The following DYNLT2B variants were observed in gnomAD, a reference collection of about 807,000 sequenced individuals.
DYNLT2B encodes dynein light chain Tctex-type protein 2B.
Under a neutral mutation model 19.5 loss-of-function variants are expected in DYNLT2B, and 14 were observed. The ratio of observed to expected loss-of-function variants is 0.72; its 90% CI spans 0.47 to 1.12. DYNLT2B has a LOEUF of 1.12. DYNLT2B is among the 50% of genes most tolerant of loss of function. DYNLT2B has a pLI of 0.00. For synonymous variants in DYNLT2B, 70 were observed against 59.7 expected, an observed-to-expected ratio of 1.17 and a Z score of -0.79; for missense variants, 133 against 174.7, an observed-to-expected ratio of 0.76 and a Z score of 1.35.
intron 2 of DYNLT2B, among the ~76,000 whole-genome samples, chr3:196,313,609 C>T (rs1481910945): frequency 3.3e-5 from 5 of 151,966 alleles, no homozygotes; most frequent in Non-Finnish European, 5.9e-5. Context: ...AAAATCTTAA[C>T]GATGAACCTT....
chr3:196,300,844 G>C (rs1560187880), intron 3 of DYNLT2B, among the ~76,000 whole-genome samples: 1 of 151,588 alleles, frequency 6.6e-6, no homozygotes. Context: ...AATCACTTGA[G>C]CCAAGGACTT....
At chr3:196,291,463 A>G in intron 4 of DYNLT2B, 89 bp from the exon 5 acceptor site, 1 of 1,361,064 alleles carries the variant, frequency 7.3e-7, no homozygotes, top group Non-Finnish European at 1.0e-6. Flanking sequence ...AACTAACACC[A>G]TCTCAGATCT....
At chr3:196,296,939 A>C (rs1053595831) in intron 3 of DYNLT2B, among the ~76,000 whole-genome samples, 3 of 143,530 alleles carry the variant, frequency 2.1e-5, no homozygotes, top group African/African-American at 7.9e-5. Context: ...AAAAAAAAAC[A>C]ATTCTGCACT....
chr3:196,316,867 C>T (rs1267356410), intron 1 of DYNLT2B, among the ~76,000 whole-genome samples: 1 of 138,488 alleles, frequency 7.2e-6, no homozygotes, highest in Non-Finnish European at 1.6e-5. Flanking sequence ...TCTGCTCTGG[C>T]CCGTGAGCCT....
intron 3 of DYNLT2B, among the ~76,000 whole-genome samples, chr3:196,302,405 A>C (rs1726379298): frequency 6.6e-6 from 1 of 152,154 alleles, no homozygotes; most frequent in African/African-American, 2.4e-5. Flanking sequence ...ATAGTGCTGG[A>C]AAGTAAGGAA....
chr3:196,310,028 C>A (rs1328194107), intron 2 of DYNLT2B, among the ~76,000 whole-genome samples: 3 of 151,852 alleles, frequency 2.0e-5, no homozygotes, highest in African/African-American at 7.3e-5. Flanking sequence ...TTATTCCTCA[C>A]AATTAATTCA....
intron 3 of DYNLT2B, among the ~76,000 whole-genome samples, chr3:196,300,401 AGGTTCTT>A (rs1560187685): frequency 6.6e-6 from 1 of 152,084 alleles, no homozygotes; most frequent in Non-Finnish European, 1.5e-5. Flanking sequence ...TGAACATTCG[AGGTTCTT>A]GGTTGAAAGA....
chr3:196,297,907 T>C (rs996853912), intron 3 of DYNLT2B, among the ~76,000 whole-genome samples: 6 of 152,208 alleles, frequency 3.9e-5, no homozygotes, highest in Non-Finnish European at 7.3e-5. Context: ...GAACCCAGCC[T>C]ACTATCGCAG....
chr3:196,293,952 ATCT>A (rs1483307964), intron 4 of DYNLT2B, among the ~76,000 whole-genome samples: 3 of 151,820 alleles, frequency 2.0e-5, no homozygotes, highest in Non-Finnish European at 4.4e-5. Flanking sequence ...AAAAAAAACC[ATCT>A]TCTTAGCTTG....
At chr3:196,317,266 C>CTGTG (rs1726872135) in intron 1 of DYNLT2B, among the ~76,000 whole-genome samples, 1 of 39,816 alleles carries the variant, frequency 2.5e-5, no homozygotes, top group African/African-American at 9.1e-5. Context: ...CATTTTTTTT[C>CTGTG]AGTGTGTGTG....
At chr3:196,300,070 T>C (rs893863799) in intron 3 of DYNLT2B, among the ~76,000 whole-genome samples, 1 of 152,124 alleles carries the variant, frequency 6.6e-6, no homozygotes. Flanking sequence ...GGAAACGGCT[T>C]ATGGGCTAAG....
chr3:196,317,844 C>G (rs1451336007), intron 1 of DYNLT2B, among the ~76,000 whole-genome samples, 196 bp downstream of exon 1: 4 of 152,078 alleles, frequency 2.6e-5, no homozygotes, highest in African/African-American at 9.7e-5. Context: ...CGGGTGGGGT[C>G]CCCTGCGGCC....
intron 2 of DYNLT2B, among the ~76,000 whole-genome samples, chr3:196,312,139 C>T (rs1378434661): frequency 2.0e-5 from 3 of 152,200 alleles, no homozygotes; most frequent in Non-Finnish European, 4.4e-5. Flanking sequence ...CTCGGCCTCC[C>T]TAAGTGCTGG....
chr3:196,311,054 A>C (rs1316456403), intron 2 of DYNLT2B, among the ~76,000 whole-genome samples: 1 of 152,058 alleles, frequency 6.6e-6, no homozygotes, highest in African/African-American at 2.4e-5. Flanking sequence ...GTTATTAAGC[A>C]ACATAAAGAG....
intron 2 of DYNLT2B, among the ~76,000 whole-genome samples, chr3:196,312,475 G>A (rs1017387877): frequency 6.6e-5 from 10 of 151,906 alleles, no homozygotes; most frequent in African/African-American, 1.9e-4. Context: ...GTGGAGGGGC[G>A]GGGGATGGAG....
intron 3 of DYNLT2B, 95 bp downstream of exon 3, chr3:196,306,848 C>T (rs1726501642): frequency 8.5e-6 from 10 of 1,175,356 alleles, no homozygotes; most frequent in Non-Finnish European, 1.1e-5. Flanking sequence ...GCCCTTCTCA[C>T]TCTTGTAAAG....
rs374228020 is a variant in DYNLT2B, at chr3:196,293,620, C to T, written c.382-2246G>A. The stretch of plus-strand genomic sequence containing the variant: ...CAGCCTAGGTGACAGAGTGAGACTC[C>T]GTCTCAAAACAAACAAACAAGATGC... On this transcript the variant is annotated intron_variant, in intron 4 of 4. Transcript: ENST00000325318. Among the ~76,000 whole-genome samples, 1,176 of 134,596 alleles carry T rather than the reference C, an allele frequency of 8.7e-3. 16 individuals carry two copies. The highest frequency in any genetic ancestry group is 0.029 in the African/African-American group (1,120 of 38,856). The allele number at this position is 134,596 out of a possible 152,430, so 88.3% of individuals were successfully genotyped here.
At position 196,315,550 on chromosome 3, in the gene DYNLT2B, T is replaced by C. The variant is rs62409179; in HGVS notation, c.247+548A>G. 2.0e-3 allele frequency among the ~76,000 whole-genome samples: 295 copies of C among 149,466 alleles called. 2 individuals carry two copies. Among genetic ancestry groups the C allele is most frequent in the South Asian group, 8.4e-3 (37 of 4,404 alleles). ...TGCTGCGATTACAGGCGTGAGCCACTGCGCCCGGCCTTTATTTTGCTTTTT... is the reference window on the plus strand; with the variant it reads ...TGCTGCGATTACAGGCGTGAGCCACCGCGCCCGGCCTTTATTTTGCTTTTT... On this transcript the variant is annotated intron_variant, in intron 2 of 4. Coordinates refer to ENST00000325318, the MANE Select transcript of DYNLT2B (RefSeq NM_152773.5).
intron 3 of DYNLT2B, among the ~76,000 whole-genome samples, chr3:196,301,753 TAA>T (rs1170220371): frequency 6.6e-6 from 1 of 151,292 alleles, no homozygotes. Flanking sequence ...GACTAAAATG[TAA>T]AAATAGAGTG....
Sources: allele counts gnomAD v4.1 joint callset (sites outside exome capture counted in the v4.1 genomes callset), GRCh38; gene constraint gnomAD v4.1.1; transcripts MANE v1.5; gene names NCBI Gene and HGNC (gene_info 2026-07-23, HGNC 2026-07-21).